Variants in NCOA3 observed in about 807,000 individuals in gnomAD.
The protein encoded by NCOA3 is CBP-interacting protein.
Under a neutral mutation model 158.8 loss-of-function variants are expected in NCOA3, and 51 were observed. That is an observed-to-expected ratio of 0.32 (90% CI 0.26 to 0.41). NCOA3 has a LOEUF of 0.41. Among genes scored for constraint, NCOA3 ranks in the 10% least tolerant of loss-of-function variants. The probability of loss-of-function intolerance (pLI) is 1.00; values close to 1 mark genes in which losing one functional copy is unlikely to be tolerated. For missense variants in NCOA3, 1,510 were observed against 1,746.6 expected (o/e 0.86, Z 2.41); for synonymous variants, 537 against 592.4 (o/e 0.91, Z 1.36).
At chr20:47,530,415 A>G (rs919489843) in intron 1 of NCOA3, among the ~76,000 whole-genome samples, 1 of 151,838 alleles carries the variant, frequency 6.6e-6, no homozygotes, top group African/African-American at 2.4e-5. Flanking sequence ...AAAGATTTGC[A>G]TAGCTCAGTA....
chr20:47,518,826 C>T (rs939924432), intron 1 of NCOA3, among the ~76,000 whole-genome samples: 5 of 152,120 alleles, frequency 3.3e-5, no homozygotes, highest in African/African-American at 1.2e-4. Context: ...CTCACATGCA[C>T]ACGAACAATT....
chr20:47,559,345 CA>C, intron 1 of NCOA3, among the ~76,000 whole-genome samples: 1 of 152,068 alleles, frequency 6.6e-6, no homozygotes. Context: ...CTTATACAAC[CA>C]AAAGACTGGC....
chr20:47,640,170 T>G (rs925332356), intron 16 of NCOA3, 119 bp downstream of exon 16: 20 of 1,374,090 alleles, frequency 1.5e-5, no homozygotes, highest in Non-Finnish European at 2.0e-5. Flanking sequence ...AGGTACTGGG[T>G]TGCCAGCTGG....
Position 47,627,582 on chromosome 20 carries a change from A to G in NCOA3, c.554A>G (p.Asn185Ser), listed in dbSNP as rs748073505. ...AAAGTTAATGGAGTTTCCTGGACAA[A>G]TGAGACCCAAAGACAAAAAAGCCAT... Reference protein sequence around the residue: ...KSTVNGVSWTNETQRQKSHTF... With the variant: ...KSTVNGVSWTSETQRQKSHTF... Residue 185 changes from asparagine (N) to serine (S), a missense_variant, in exon 7 of 23, where the codon AAT becomes AGT. This residue lies in a region of NCOA3 where 309 missense variants were observed against 427.1 expected (regional missense o/e 0.72). Coordinates refer to ENST00000371998, the MANE Select transcript of NCOA3 (RefSeq NM_181659.3). 1.2e-6 allele frequency: 2 copies of G among 1,611,966 alleles called. No individual in the cohort carries two copies. Among genetic ancestry groups the G allele is most frequent in the Non-Finnish European group, 1.7e-6 (2 of 1,179,384 alleles).
At chr20:47,537,436 G>C (rs1448748294) in intron 1 of NCOA3, among the ~76,000 whole-genome samples, 1 of 151,384 alleles carries the variant, frequency 6.6e-6, no homozygotes, top group Non-Finnish European at 1.5e-5. Flanking sequence ...ATAATCGGCG[G>C]GGGTGGGGGG....
chr20:47,604,545 T>C (rs2085913565), intron 2 of NCOA3, among the ~76,000 whole-genome samples: 1 of 152,250 alleles, frequency 6.6e-6, no homozygotes, highest in African/African-American at 2.4e-5. Context: ...TGAAAGCTTA[T>C]AGTTCTTTTA....
intron 1 of NCOA3, among the ~76,000 whole-genome samples, chr20:47,574,639 G>GC: frequency 6.6e-6 from 1 of 152,088 alleles, no homozygotes; most frequent in Admixed American, 6.6e-5. Context: ...TGTGTTTTAA[G>GC]TTTCTACCTT....
intron 1 of NCOA3, among the ~76,000 whole-genome samples, chr20:47,560,968 C>CTTTTTTTTTTTTTTT (rs11481985): frequency 9.9e-6 from 1 of 101,186 alleles, no homozygotes. Context: ...ATCCCTCATT[C>CTTTTTTTTTTTTTTT]TTTTTTTTTT....
chr20:47,619,580 G>A (rs1424220959), intron 2 of NCOA3, among the ~76,000 whole-genome samples: 1 of 150,882 alleles, frequency 6.6e-6, no homozygotes, highest in Non-Finnish European at 1.5e-5. Context: ...GGGAAGCCGA[G>A]GTTACAGTGA....
intron 1 of NCOA3, among the ~76,000 whole-genome samples, chr20:47,521,053 C>G (rs1337154426): frequency 6.6e-6 from 1 of 152,226 alleles, no homozygotes; most frequent in Non-Finnish European, 1.5e-5. Context: ...TCTACCGGCT[C>G]CCACGGCTTC....
chr20:47,593,411 G>A (rs781286578), intron 2 of NCOA3, among the ~76,000 whole-genome samples: 18 of 138,608 alleles, frequency 1.3e-4, no homozygotes, highest in Non-Finnish European at 1.8e-4. Flanking sequence ...GGTGCGTCGC[G>A]GCTCACTGCA....
intron 1 of NCOA3, among the ~76,000 whole-genome samples, chr20:47,508,284 A>G (rs1016998871): frequency 4.6e-5 from 7 of 152,224 alleles, no homozygotes; most frequent in African/African-American, 1.7e-4. Flanking sequence ...GTTTGTTTAG[A>G]GAATTTGGAT....
intron 2 of NCOA3, among the ~76,000 whole-genome samples, chr20:47,593,250 A>T (rs1014520635): frequency 6.6e-6 from 1 of 150,646 alleles, no homozygotes; most frequent in African/African-American, 2.5e-5. Flanking sequence ...ACGTTTTAAA[A>T]TCAAGACTTT....
intron 1 of NCOA3, among the ~76,000 whole-genome samples, chr20:47,510,361 A>AG (rs902113197): frequency 1.5e-5 from 2 of 134,612 alleles, no homozygotes; most frequent in Non-Finnish European, 3.1e-5. Flanking sequence ...TGAACCCTGG[A>AG]GGTAGAGGTT....
intron 17 of NCOA3, among the ~76,000 whole-genome samples, chr20:47,645,947 G>C (rs925436646): frequency 1.3e-5 from 2 of 152,166 alleles, no homozygotes; most frequent in South Asian, 2.1e-4. Context: ...GTGGTCACAC[G>C]TGTTTACTCT....
chr20:47,580,944 T>C (rs1416340188), intron 1 of NCOA3, among the ~76,000 whole-genome samples: 1 of 151,932 alleles, frequency 6.6e-6, no homozygotes, highest in Non-Finnish European at 1.5e-5. Context: ...CTACAAAAAA[T>C]ATAAAAATTA....
intron 2 of NCOA3, among the ~76,000 whole-genome samples, chr20:47,593,416 A>G (rs2085686156): frequency 7.8e-6 from 1 of 128,298 alleles, no homozygotes; most frequent in African/African-American, 3.1e-5. Context: ...GTCGCGGCTC[A>G]CTGCAAGCTC....
At chr20:47,626,037 G>T (rs1327194713) in intron 5 of NCOA3, among the ~76,000 whole-genome samples, 1 of 152,174 alleles carries the variant, frequency 6.6e-6, no homozygotes, top group African/African-American at 2.4e-5. Flanking sequence ...TCTTTGGGAG[G>T]TCTTGGAACC....
rs770551314 is a variant in NCOA3, at chr20:47,649,110, G to C, written c.3651+1G>C. Reference sequence around the variant, plus strand: ...GATGCAGCCCCAGGTGAGCTCCCAGGTGAGGATGATAAGCCTCTCCACATG... The same window carrying C: ...GATGCAGCCCCAGGTGAGCTCCCAGCTGAGGATGATAAGCCTCTCCACATG... On this transcript the variant is annotated splice_donor_variant, in intron 19 of 22. Transcript: ENST00000371998. LOFTEE classifies it high-confidence loss of function. The C allele has an allele frequency of 6.2e-7, 1 of 1,608,650 alleles. No individual in the cohort carries two copies. The highest frequency in any genetic ancestry group is 1.1e-5 in the South Asian group (1 of 90,800).
Sources: gnomAD v4.1 joint callset for allele counts (sites outside exome capture counted in the v4.1 genomes callset) on GRCh38, gnomAD v4.1.1 for gene constraint, gnomAD v4.1.1 regional missense constraint, MANE v1.5 for transcripts, NCBI Gene and HGNC (gene_info 2026-07-23, HGNC 2026-07-21) for gene names.